TRMT11: variants seen among roughly 807,000 people sequenced by gnomAD.
TRMT11 encodes tRNA (guanine(10)-N(2))-methyltransferase TRMT11.
TRMT11 carries 53 observed loss-of-function variants against 62.8 expected under a neutral mutation model. The ratio of observed to expected loss-of-function variants is 0.84; its 90% CI spans 0.68 to 1.06. The LOEUF (loss-of-function observed/expected upper bound fraction) is 1.06. Among genes scored for constraint, TRMT11 ranks in the 50% least tolerant of loss-of-function variants. The pLI is 0.00. For missense variants in TRMT11, 556 were observed against 553.4 expected (o/e 1.00, Z -0.05); for synonymous variants, 188 against 190.3 (o/e 0.99, Z 0.10).
At chr6:126,122,104 T>A (rs112283200) in intron 21 of TRMT11, among the ~76,000 whole-genome samples, 1 of 152,180 alleles carries the variant, frequency 6.6e-6, no homozygotes, top group African/African-American at 2.4e-5. Flanking sequence ...GGCGTTCCCC[T>A]GCACATGCTG....
chr6:126,089,236 C>A (rs766634125), intron 17 of TRMT11, among the ~76,000 whole-genome samples: 1 of 151,886 alleles, frequency 6.6e-6, no homozygotes, highest in Non-Finnish European at 1.5e-5. Context: ...GCCTCAGCCT[C>A]CTGAGTAGCT....
At chr6:126,219,642 A>G in the TRMT11 span, among the ~76,000 whole-genome samples, 2 of 152,290 alleles carry the variant, frequency 1.3e-5, no homozygotes, top group East Asian at 3.9e-4. Context: ...TGCATTATCT[A>G]TCCCTTAGGG....
chr6:126,156,353 C>T (rs1778121651), intron 21 of TRMT11, among the ~76,000 whole-genome samples: 1 of 152,186 alleles, frequency 6.6e-6, no homozygotes, highest in South Asian at 2.1e-4. Flanking sequence ...GCACTGCCCT[C>T]GTAGAGTTTC....
intron 7 of TRMT11, among the ~76,000 whole-genome samples, chr6:125,999,951 A>C (rs1406649881): frequency 6.6e-6 from 1 of 152,214 alleles, no homozygotes; most frequent in Non-Finnish European, 1.5e-5. Context: ...TCTTGGTGAA[A>C]GAAAGACTTG....
the TRMT11 span, among the ~76,000 whole-genome samples, chr6:126,269,518 G>A: frequency 2.0e-5 from 3 of 152,094 alleles, no homozygotes. Context: ...ACTACATACT[G>A]TATGCACTTA....
chr6:126,086,180 T>C (rs1777214884), intron 17 of TRMT11, among the ~76,000 whole-genome samples: 1 of 152,210 alleles, frequency 6.6e-6, no homozygotes, highest in African/African-American at 2.4e-5. Context: ...TCAGATATTA[T>C]CTAGATAAAA....
chr6:125,988,847 G>T (rs1790109226), intron 1 of TRMT11, among the ~76,000 whole-genome samples: 2 of 152,216 alleles, frequency 1.3e-5, no homozygotes, highest in Admixed American at 6.5e-5. Context: ...CATGAAGGAA[G>T]ATTGTGGCAT....
chr6:126,097,991 C>A (rs912415523), intron 17 of TRMT11, among the ~76,000 whole-genome samples: 1 of 152,018 alleles, frequency 6.6e-6, no homozygotes, highest in African/African-American at 2.4e-5. Flanking sequence ...ATTTTAATGA[C>A]CTGAAGAATT....
At chr6:126,001,104 G>A (rs1388803535) in intron 7 of TRMT11, among the ~76,000 whole-genome samples, 1 of 152,054 alleles carries the variant, frequency 6.6e-6, no homozygotes, top group Non-Finnish European at 1.5e-5. Context: ...TCTCAAGAAT[G>A]AGGATATATT....
chr6:126,011,217 T>C, intron 8 of TRMT11, 36 bp from the exon 9 acceptor site: 3 of 1,566,506 alleles, frequency 1.9e-6, no homozygotes, highest in Non-Finnish European at 2.6e-6. Context: ...AATACTCTGT[T>C]TAATACTTTC....
At chr6:126,201,538 C>T (rs1212085417) in intron 3 of TRMT11, among the ~76,000 whole-genome samples, 1 of 152,146 alleles carries the variant, frequency 6.6e-6, no homozygotes, top group Non-Finnish European at 1.5e-5. Context: ...ACAATGGACA[C>T]ATTAAATTAT....
intron 5 of TRMT11, 56 bp from the exon 6 acceptor site, chr6:125,998,494 G>A (rs1408236868): frequency 2.3e-5 from 36 of 1,544,832 alleles, no homozygotes; most frequent in Admixed American, 1.4e-4. Context: ...TTAGATAAGC[G>A]CCATTTTTCA....
Position 126,107,056 on chromosome 6 carries a change from G to T in TRMT11, c.*1438-5810G>T, listed in dbSNP as rs901336193. ...TCAGGATATATTTTGAGATCCTTGT[G>T]TTAAAAGAAAAGAGTATCACTAATA... On this transcript the variant is annotated intron_variant and NMD_transcript_variant, in intron 17 of 22. Coordinates refer to the TRMT11 transcript ENST00000648977. 4.0e-5 allele frequency among the ~76,000 whole-genome samples: 6 copies of T among 151,696 alleles called. No homozygotes were observed. In the South Asian group the frequency reaches 1.0e-3, roughly 26 times the overall value.
At chr6:126,262,693 G>A in the TRMT11 span, among the ~76,000 whole-genome samples, 1 of 152,210 alleles carries the variant, frequency 6.6e-6, no homozygotes, top group African/African-American at 2.4e-5. Context: ...CTGTAGCAAG[G>A]ATTGCTGGCA....
intron 7 of TRMT11, among the ~76,000 whole-genome samples, chr6:126,001,266 T>A (rs1353751328): frequency 6.6e-6 from 1 of 152,174 alleles, no homozygotes; most frequent in Admixed American, 6.5e-5. Context: ...AGGTATTATA[T>A]TTTGTTGTTA....
intron 17 of TRMT11, among the ~76,000 whole-genome samples, chr6:126,109,054 A>C (rs549541554): frequency 1.8e-4 from 28 of 152,222 alleles, no homozygotes; most frequent in African/African-American, 6.5e-4. Flanking sequence ...TTTTCTCTCT[A>C]TATAGACACT....
chr6:126,092,480 C>G (rs771471802), intron 17 of TRMT11, among the ~76,000 whole-genome samples: 17 of 152,108 alleles, frequency 1.1e-4, no homozygotes, highest in Non-Finnish European at 2.2e-4. Flanking sequence ...GGGGAAACCG[C>G]CCCCATGATT....
chr6:126,142,629 C>T (rs1352083139), intron 21 of TRMT11, among the ~76,000 whole-genome samples: 1 of 152,062 alleles, frequency 6.6e-6, no homozygotes, highest in Non-Finnish European at 1.5e-5. Context: ...GACACATCAA[C>T]ATGAATGATA....
chr6:126,017,747 T>A lies in TRMT11; in HGVS notation c.1140-3413T>A, dbSNP rs554034941. 3.0e-4 allele frequency among the ~76,000 whole-genome samples: 45 copies of A among 152,352 alleles called. 1 individual carries two copies. The highest frequency in any genetic ancestry group is 1.1e-3 in the African/African-American group (45 of 41,592). On this transcript the variant is annotated intron_variant, in intron 11 of 12. Coordinates refer to ENST00000334379, the MANE Select transcript of TRMT11 (RefSeq NM_001031712.3). Reference sequence around the variant, plus strand: ...CATAATAGCTTGTTTTTACTGCTTATAGAGACTTAACACATAAAATTACTG... The same window carrying A: ...CATAATAGCTTGTTTTTACTGCTTAAAGAGACTTAACACATAAAATTACTG...
Sources: gnomAD v4.1 joint callset for allele counts (sites outside exome capture counted in the v4.1 genomes callset) on GRCh38, gnomAD v4.1.1 for gene constraint, MANE v1.5 for transcripts, NCBI Gene and HGNC (gene_info 2026-07-23, HGNC 2026-07-21) for gene names.